Variants in CCDC18 observed in about 807,000 individuals in gnomAD.
CCDC18 encodes the protein coiled-coil domain containing 18, also known as coiled-coil domain-containing protein 18.
Under a neutral mutation model 196.0 loss-of-function variants are expected in CCDC18, and 157 were observed. The observed-to-expected ratio is 0.80, with a 90% CI of 0.70 to 0.91. The LOEUF is 0.91. CCDC18 is among the 40% of genes least tolerant of loss of function. CCDC18 has a pLI of 0.00. For missense variants in CCDC18, 1,465 were observed against 1,611.6 expected (o/e 0.91, Z 1.56); for synonymous variants, 482 against 529.2 (o/e 0.91, Z 1.22).
In CCDC18 at chr1:93,239,437, C is replaced by G. The variant is rs2100826972; in HGVS notation, c.2731C>G (p.Gln911Glu). The G allele has an allele frequency of 2.5e-6, 4 of 1,611,442 alleles. 1 individual carries two copies. The South Asian group carries it at 4.4e-5, about 18-fold the overall frequency. The change falls in exon 20 of 29, where the codon CAG (glutamine) becomes GAG (glutamate). Residue 911 changes from glutamine to glutamate, a missense_variant. By Grantham distance (29) the Gln-to-Glu change is conservative (BLOSUM62 2). Transcript: ENST00000690025. ...HLSQLDMILD[Q>E]TKTELEKKTN... ...CTCTCAATTAGATATGATCTTAGAT[C>G]AGACAAAGACAGAGCTAGAAAAGAA...
At chr1:93,218,426 A>T (rs374387834) in intron 14 of CCDC18, among the ~76,000 whole-genome samples, 4 of 152,178 alleles carry the variant, frequency 2.6e-5, no homozygotes, top group Non-Finnish European at 5.9e-5. Context: ...AAATCGACCA[A>T]TTGTAACAAA....
intron 28 of CCDC18, among the ~76,000 whole-genome samples, chr1:93,275,429 G>A (rs1665570402): frequency 6.6e-6 from 1 of 152,098 alleles, no homozygotes; most frequent in African/African-American, 2.4e-5. Flanking sequence ...ATTTTAAATT[G>A]GGATGTAGAG....
At chr1:93,249,123 T>A (rs575757876) in intron 23 of CCDC18, among the ~76,000 whole-genome samples, 1 of 152,336 alleles carries the variant, frequency 6.6e-6, no homozygotes, top group South Asian at 2.1e-4. Context: ...CGACTTTTTA[T>A]TACTGCTTTT....
At chr1:93,197,836 C>G (rs1653025298) in intron 6 of CCDC18, among the ~76,000 whole-genome samples, 1 of 146,696 alleles carries the variant, frequency 6.8e-6, no homozygotes, top group African/African-American at 2.5e-5. Flanking sequence ...ACTGCAAGCT[C>G]CACCTCCTGG....
At chr1:93,205,927 G>C (rs953888577) in intron 8 of CCDC18, among the ~76,000 whole-genome samples, 1 of 152,006 alleles carries the variant, frequency 6.6e-6, no homozygotes, top group African/African-American at 2.4e-5. Flanking sequence ...TAACTCACTA[G>C]TAAAATGTGT....
intron 6 of CCDC18, among the ~76,000 whole-genome samples, chr1:93,194,546 A>T (rs1227564865): frequency 6.6e-6 from 1 of 152,142 alleles, no homozygotes; most frequent in Admixed American, 6.6e-5. Flanking sequence ...AACCTTTTGA[A>T]ATCTCAGGTT....
intron 28 of CCDC18, among the ~76,000 whole-genome samples, chr1:93,275,694 C>G (rs1343855227): frequency 6.6e-6 from 1 of 152,130 alleles, no homozygotes; most frequent in Non-Finnish European, 1.5e-5. Context: ...CAGAGCAGCC[C>G]TGGATTAATC....
chr1:93,182,708 A>G (rs1649941543), intron 1 of CCDC18, among the ~76,000 whole-genome samples: 1 of 152,180 alleles, frequency 6.6e-6, no homozygotes, highest in African/African-American at 2.4e-5. Flanking sequence ...TTGACCTGCC[A>G]AATGTTATTT....
At chr1:93,198,311 T>C (rs1009772886) in intron 6 of CCDC18, among the ~76,000 whole-genome samples, 1 of 152,194 alleles carries the variant, frequency 6.6e-6, no homozygotes, top group Non-Finnish European at 1.5e-5. Flanking sequence ...CAACTACAAC[T>C]ATGTAACAAC....
rs138014765 is a variant in CCDC18 at position 93,194,466 on chromosome 1, G to A, written c.698+722G>A. On this transcript the variant is annotated intron_variant, in intron 6 of 28. Coordinates refer to ENST00000690025, the MANE Select transcript of CCDC18 (RefSeq NM_001378204.1). Reference sequence around the variant, plus strand: ...TGCAATATTGCTTAGTAGAAAATGCGTAGGTTTTGGAGTTAGAAAATTTTT... The same window carrying A: ...TGCAATATTGCTTAGTAGAAAATGCATAGGTTTTGGAGTTAGAAAATTTTT... 2.3e-3 allele frequency among the ~76,000 whole-genome samples: 348 copies of A among 152,232 alleles called. 7 individuals are homozygous for A. Among genetic ancestry groups the A allele is most frequent in the Admixed American group, 0.019 (293 of 15,294 alleles).
chr1:93,189,605 C>T (rs1382894673), intron 4 of CCDC18, among the ~76,000 whole-genome samples: 2 of 152,138 alleles, frequency 1.3e-5, no homozygotes, highest in Non-Finnish European at 2.9e-5. Context: ...ATGAAGATTC[C>T]CTTTTTTCCA....
intron 15 of CCDC18, 24 bp from the exon 16 acceptor site, chr1:93,221,835 T>G (rs773600200): frequency 6.3e-7 from 1 of 1,586,124 alleles, no homozygotes; most frequent in Non-Finnish European, 8.6e-7. Flanking sequence ...ATCTGCATAC[T>G]TATACTTTTC....
At chr1:93,221,035 G>A (rs1273498244) in intron 14 of CCDC18, among the ~76,000 whole-genome samples, 1 of 152,154 alleles carries the variant, frequency 6.6e-6, no homozygotes, top group Non-Finnish European at 1.5e-5. Flanking sequence ...TATCACTGAT[G>A]GGCATTTAGG....
chr1:93,276,197 T>A (rs189728401), intron 28 of CCDC18, among the ~76,000 whole-genome samples: 1 of 152,354 alleles, frequency 6.6e-6, no homozygotes, highest in East Asian at 1.9e-4. Context: ...GTTTAATAAG[T>A]GTTAGCTCCC....
At chr1:93,247,083 G>A (rs1661584017) in intron 23 of CCDC18, 129 bp downstream of exon 23, 1 of 513,662 alleles carries the variant, frequency 1.9e-6, no homozygotes, top group East Asian at 3.7e-5. Context: ...TTTGGAGACA[G>A]AGTCGTTCTC....
Position 93,207,093 on chromosome 1 carries a change from T to C in CCDC18, c.918-14T>C. On this transcript the variant is annotated splice_polypyrimidine_tract_variant and intron_variant, in intron 8 of 28. Coordinates refer to ENST00000690025, the MANE Select transcript of CCDC18 (RefSeq NM_001378204.1). ...ATATATTTTATTTTCATTTTTATTC[T>C]CTTTTCTTCATAGGCAGTTAAAAGA... 1 of 1,332,832 alleles carries C rather than the reference T, an allele frequency of 7.5e-7. No homozygotes were observed. Among genetic ancestry groups the C allele is most frequent in the Non-Finnish European group, 1.0e-6 (1 of 973,256 alleles). The allele number at this position is 1,332,832 out of a possible 1,614,324, so 82.6% of individuals were successfully genotyped here.
chr1:93,270,704 A>G lies in CCDC18; in HGVS notation c.4243A>G (p.Ser1415Gly). Residue 1415 changes from serine to glycine, a missense_variant, in exon 28 of 29, where the codon AGT becomes GGT. By Grantham distance (56) the Ser-to-Gly change is moderately conservative. Coordinates refer to ENST00000690025, the MANE Select transcript of CCDC18 (RefSeq NM_001378204.1). ...KPLTYNLEAD[S>G]SENNDFNTLS... ...TCTCACATATAACCTAGAAGCTGAT[A>G]GTTCTGAGAATAATGACTTTAACAC... 6.5e-7 allele frequency: 1 copy of G among 1,550,358 alleles called. No individual in the cohort carries two copies. The highest frequency in any genetic ancestry group is 2.0e-5 in the Admixed American group (1 of 51,008).
chr1:93,244,614 G>A (rs975728284), intron 21 of CCDC18, among the ~76,000 whole-genome samples: 1 of 152,068 alleles, frequency 6.6e-6, no homozygotes, highest in African/African-American at 2.4e-5. Flanking sequence ...GGGACTGATG[G>A]AAAAATACTG....
rs1337373289 is a variant in CCDC18, at chr1:93,223,158, G to A, written c.2175+1222G>A. 3.3e-5 allele frequency among the ~76,000 whole-genome samples: 5 copies of A among 152,268 alleles called. No individual in the cohort carries two copies. In the East Asian group the frequency reaches 9.6e-4, roughly 29 times the overall value. ...AACTCATGCAGCCACTTAACTCCTG[G>A]TTTTCATTAAACTACCTAACGTAAC... On this transcript the variant is annotated intron_variant, in intron 16 of 28. Coordinates refer to ENST00000690025, the MANE Select transcript of CCDC18 (RefSeq NM_001378204.1).
Sources: gnomAD v4.1 joint callset for allele counts (sites outside exome capture counted in the v4.1 genomes callset) on GRCh38, gnomAD v4.1.1 for gene constraint, MANE v1.5 for transcripts, NCBI Gene and HGNC (gene_info 2026-07-23, HGNC 2026-07-21) for gene names.